NCS1: variants seen among roughly 807,000 people sequenced by gnomAD.
NCS1 encodes frequenin homolog.
Under a neutral mutation model 28.4 loss-of-function variants are expected in NCS1, and 6 were observed. The ratio of observed to expected loss-of-function variants is 0.21; its 90% confidence interval spans 0.12 to 0.42. NCS1 has a LOEUF of 0.42. Among genes scored for constraint, NCS1 ranks in the 10% least tolerant of loss-of-function variants. The probability of loss-of-function intolerance (pLI) is 1.00; values close to 1 mark genes in which losing one functional copy is unlikely to be tolerated. For missense variants in NCS1, 131 were observed against 241.4 expected, an observed-to-expected ratio of 0.54 and a Z score of 3.03; for synonymous variants, 86 against 99.3, an observed-to-expected ratio of 0.87 and a Z score of 0.79.
intron 1 of NCS1, among the ~76,000 whole-genome samples, chr9:130,193,363 A>T (rs1046082591): frequency 7.2e-5 from 11 of 151,752 alleles, no homozygotes; most frequent in Non-Finnish European, 1.3e-4. Context: ...TGGGGACTGG[A>T]TGGGAAAGTG....
chr9:130,216,464 C>T (rs554719520), intron 2 of NCS1, among the ~76,000 whole-genome samples: 33 of 152,330 alleles, frequency 2.2e-4, no homozygotes, highest in Admixed American at 2.0e-3. Flanking sequence ...GCCTGTAATC[C>T]CAGCACTTTG....
At chr9:130,206,652 C>T (rs374083763) in intron 2 of NCS1, among the ~76,000 whole-genome samples, 301 of 152,184 alleles carry the variant, frequency 2.0e-3, no homozygotes, top group African/African-American at 7.0e-3. Flanking sequence ...TCAGATGATC[C>T]GCCCACCTCA....
chr9:130,207,303 C>G (rs1178199895), intron 2 of NCS1, among the ~76,000 whole-genome samples: 1 of 152,242 alleles, frequency 6.6e-6, no homozygotes, highest in Non-Finnish European at 1.5e-5. Flanking sequence ...TAGCACCTTG[C>G]CTCGCCCACA....
intron 2 of NCS1, among the ~76,000 whole-genome samples, chr9:130,214,327 G>A (rs571958366): frequency 6.6e-5 from 10 of 152,154 alleles, no homozygotes; most frequent in African/African-American, 2.2e-4. Context: ...ATATTCTCAC[G>A]CTTCTTAAAA....
chr9:130,201,077 T>A, intron 2 of NCS1, 95 bp downstream of exon 2: 1 of 1,540,878 alleles, frequency 6.5e-7, no homozygotes, highest in African/African-American at 1.4e-5. Flanking sequence ...CTGCTCAGGA[T>A]GGGGGCATGT....
intron 7 of NCS1, among the ~76,000 whole-genome samples, chr9:130,231,693 A>G (rs1229922805): frequency 6.6e-6 from 1 of 151,584 alleles, no homozygotes; most frequent in Non-Finnish European, 1.5e-5. Flanking sequence ...CTGAGTATGG[A>G]TTTTTGGTTC....
chr9:130,197,286 C>G (rs1422803226), intron 1 of NCS1, among the ~76,000 whole-genome samples: 1 of 152,136 alleles, frequency 6.6e-6, no homozygotes, highest in Non-Finnish European at 1.5e-5. Flanking sequence ...GATATTATTG[C>G]TTAGGCTGAA....
At chr9:130,204,141 C>T (rs10819614) in intron 2 of NCS1, among the ~76,000 whole-genome samples, 75,040 of 151,758 alleles carry the variant, frequency 0.49, 19,327 homozygotes, top group East Asian at 0.85. Flanking sequence ...TACAGGTGCA[C>T]ACCACCATGC....
chr9:130,223,209 G>C, intron 6 of NCS1, 50 bp downstream of exon 6: 1 of 1,565,638 alleles, frequency 6.4e-7, no homozygotes, highest in Non-Finnish European at 8.8e-7. Context: ...CAAGGTGTCG[G>C]GGGCAGGAAT....
At chr9:130,179,060 G>A (rs781989602) in intron 1 of NCS1, among the ~76,000 whole-genome samples, 15 of 150,544 alleles carry the variant, frequency 1.0e-4, no homozygotes, top group South Asian at 8.5e-4. Context: ...TCAGCCTCCC[G>A]AGTAGGGGAT....
intron 2 of NCS1, among the ~76,000 whole-genome samples, chr9:130,211,500 A>C (rs1833111784): frequency 6.6e-6 from 1 of 151,122 alleles, no homozygotes; most frequent in African/African-American, 2.4e-5. Flanking sequence ...TGATGCTGGG[A>C]CTCCTGTCCC....
chr9:130,172,847 C>A (rs188775356), intron 1 of NCS1, 120 bp downstream of exon 1: 1 of 459,952 alleles, frequency 2.2e-6, no homozygotes, highest in South Asian at 8.1e-5. Context: ...TCCGTCCTCC[C>A]CGCCCGGCCT....
chr9:130,200,890 G>A (rs1832937423), intron 1 of NCS1, 68 bp from the exon 2 acceptor site: 13 of 1,603,612 alleles, frequency 8.1e-6, no homozygotes, highest in South Asian at 2.2e-5. Flanking sequence ...GCCCCCCAGC[G>A]AATGTCTGCC....
chr9:130,190,928 T>A (rs945246496), intron 1 of NCS1, among the ~76,000 whole-genome samples: 1 of 152,116 alleles, frequency 6.6e-6, no homozygotes, highest in African/African-American at 2.4e-5. Flanking sequence ...TGATTTTGAA[T>A]CTGAGCAGCT....
chr9:130,216,551 A>G (rs1026888025), intron 2 of NCS1, among the ~76,000 whole-genome samples: 2 of 152,120 alleles, frequency 1.3e-5, no homozygotes, highest in Admixed American at 6.6e-5. Context: ...CCCTGTCTCT[A>G]CTAAAAATAC....
intron 1 of NCS1, among the ~76,000 whole-genome samples, chr9:130,178,434 C>T (rs782470804): frequency 1.3e-5 from 2 of 152,246 alleles, no homozygotes; most frequent in Non-Finnish European, 2.9e-5. Context: ...CACCCCGTGT[C>T]AGGGGAAAGC....
rs1832835365 is a variant in NCS1 at position 130,192,903 on chromosome 9, C to T, written c.65-8055C>T. On this transcript the variant is annotated intron_variant, in intron 1 of 7. Coordinates refer to ENST00000372398, the MANE Select transcript of NCS1 (RefSeq NM_014286.4). This position sits in a 1 kb window ranked among gnomAD's most constrained non-coding sequence, Gnocchi z 4.8. ...TCCCCACCTCCCAGTGTGCGGTACTCCATGGTTGGCACAGCTAGTAATGTC... is the reference window on the plus strand; with the variant it reads ...TCCCCACCTCCCAGTGTGCGGTACTTCATGGTTGGCACAGCTAGTAATGTC... 6.6e-6 allele frequency among the ~76,000 whole-genome samples: 1 copy of T among 152,216 alleles called. No individual in the cohort carries two copies. The highest frequency in any genetic ancestry group is 2.4e-5 in the African/African-American group (1 of 41,458).
chr9:130,201,640 C>A lies in NCS1; in HGVS notation c.89+658C>A, dbSNP rs562660367. ...AGGTGGCTGAGCTGTAGGGGTGGCACGTAGGGACATGAGGCAATGAGCTTG... is the reference window on the plus strand; with the variant it reads ...AGGTGGCTGAGCTGTAGGGGTGGCAAGTAGGGACATGAGGCAATGAGCTTG... On this transcript the variant is annotated intron_variant, in intron 2 of 7. Transcript: ENST00000372398. 2.0e-5 allele frequency among the ~76,000 whole-genome samples: 3 copies of A among 152,132 alleles called. No homozygotes were observed. The East Asian group carries it at 5.8e-4, about 29-fold the overall frequency.
At chr9:130,183,027 C>G (rs1832684177) in intron 1 of NCS1, among the ~76,000 whole-genome samples, 1 of 152,172 alleles carries the variant, frequency 6.6e-6, no homozygotes, top group Non-Finnish European at 1.5e-5. Context: ...CCGGGGTGTC[C>G]TCGCCTCTGC....
Sources: gnomAD v4.1 joint callset for allele counts (sites outside exome capture counted in the v4.1 genomes callset) on GRCh38, gnomAD v4.1.1 for gene constraint, Gnocchi (gnomAD v3.1) non-coding constraint, MANE v1.5 for transcripts, NCBI Gene and HGNC (gene_info 2026-07-23, HGNC 2026-07-21) for gene names.